CADPS2: variants seen among roughly 807,000 people sequenced by gnomAD.
CADPS2 encodes calcium-dependent secretion activator 2.
CADPS2 carries 93 observed loss-of-function variants against 172.5 expected under a neutral mutation model. That is an observed-to-expected ratio of 0.54 (90% CI 0.46 to 0.64). The LOEUF (loss-of-function observed/expected upper bound fraction) is 0.64. Among genes scored for constraint, CADPS2 ranks in the 30% least tolerant of loss-of-function variants. CADPS2 has a pLI of 0.00. For synonymous variants in CADPS2, 546 were observed against 555.2 expected, an observed-to-expected ratio of 0.98 and a Z score of 0.23; for missense variants, 1,420 against 1,565.9, an observed-to-expected ratio of 0.91 and a Z score of 1.57.
intron 17 of CADPS2, chr7:122,427,121 CGTGTGTGT>C (rs35202510): frequency 1.4e-5 from 2 of 146,566 alleles, no homozygotes; most frequent in Non-Finnish European, 3.0e-5. Flanking sequence ...ACATAAATGC[CGTGTGTGT>C]GTGTGTGTGT....
intron 28 of CADPS2, among the ~76,000 whole-genome samples, chr7:122,336,839 C>T (rs2035934273): frequency 6.6e-6 from 1 of 152,108 alleles, no homozygotes; most frequent in Non-Finnish European, 1.5e-5. Flanking sequence ...AAGCAAAATC[C>T]TCTGGTCAGT....
chr7:122,404,997 C>A (rs746351631), intron 20 of CADPS2, among the ~76,000 whole-genome samples: 2 of 151,732 alleles, frequency 1.3e-5, no homozygotes, highest in African/African-American at 2.4e-5. Context: ...TGTGTGGTGG[C>A]GGGCGCCTGT....
At chr7:122,555,166 T>G (rs529687088) in intron 7 of CADPS2, among the ~76,000 whole-genome samples, 1 of 152,218 alleles carries the variant, frequency 6.6e-6, no homozygotes, top group East Asian at 1.9e-4. Flanking sequence ...TCAACTCAAT[T>G]AGAGATGGAA....
chr7:122,734,240 A>G (rs997730854), intron 2 of CADPS2, among the ~76,000 whole-genome samples: 2 of 148,690 alleles, frequency 1.3e-5, no homozygotes, highest in African/African-American at 4.9e-5. Context: ...ATATTTAAAT[A>G]TATTTTAATT....
At chr7:122,542,749 C>T (rs2063231480) in intron 8 of CADPS2, among the ~76,000 whole-genome samples, 1 of 151,956 alleles carries the variant, frequency 6.6e-6, no homozygotes, top group Non-Finnish European at 1.5e-5. Context: ...TCATAGTCTA[C>T]ATCAGTCTAG....
chr7:122,708,779 T>C (rs559461966), intron 2 of CADPS2, among the ~76,000 whole-genome samples: 47 of 151,914 alleles, frequency 3.1e-4, no homozygotes, highest in African/African-American at 5.3e-4. Context: ...TTATTCAGTC[T>C]ACCGATTTAG....
chr7:122,617,847 T>A (rs947629176), intron 5 of CADPS2, among the ~76,000 whole-genome samples: 2 of 152,040 alleles, frequency 1.3e-5, no homozygotes, highest in African/African-American at 4.8e-5. Context: ...ATCGAGACCA[T>A]CCTGGCTAAC....
intron 9 of CADPS2, among the ~76,000 whole-genome samples, chr7:122,506,014 T>C (rs183899852): frequency 1.2e-4 from 18 of 152,194 alleles, no homozygotes; most frequent in Middle Eastern, 3.4e-3. Flanking sequence ...TCTGGAGAAA[T>C]TGTACTCAGA....
chr7:122,879,236 CAAA>C (rs34464177), intron 1 of CADPS2, among the ~76,000 whole-genome samples: 19 of 80,930 alleles, frequency 2.3e-4, no homozygotes, highest in Admixed American at 2.7e-4. Flanking sequence ...TACTCTGCCT[CAAA>C]AAAAAAAAAA....
chr7:122,558,171 A>T (rs911904125), intron 7 of CADPS2, among the ~76,000 whole-genome samples: 6 of 152,188 alleles, frequency 3.9e-5, no homozygotes, highest in South Asian at 2.1e-4. Context: ...TTTTGTTTCA[A>T]AATCTTTCAA....
At chr7:122,563,231 T>C (rs946914575) in intron 7 of CADPS2, among the ~76,000 whole-genome samples, 16 of 152,214 alleles carry the variant, frequency 1.1e-4, no homozygotes, top group African/African-American at 3.9e-4. Flanking sequence ...CTATTCTTGA[T>C]CTATTGCCCT....
chr7:122,691,270 G>A (rs546293051), intron 2 of CADPS2, among the ~76,000 whole-genome samples: 1 of 152,148 alleles, frequency 6.6e-6, no homozygotes, highest in African/African-American at 2.4e-5. Flanking sequence ...CCCAGTCCAG[G>A]GGGTCACTAC....
At chr7:122,521,609 G>A (rs2060803077) in intron 8 of CADPS2, among the ~76,000 whole-genome samples, 1 of 151,836 alleles carries the variant, frequency 6.6e-6, no homozygotes, top group Non-Finnish European at 1.5e-5. Context: ...GAATTATTAT[G>A]GGAAACAGTA....
intron 8 of CADPS2, among the ~76,000 whole-genome samples, chr7:122,541,805 ATTTATATAT>A (rs1563648183): frequency 1.8e-4 from 20 of 113,352 alleles, no homozygotes; most frequent in African/African-American, 5.8e-4. Context: ...ATTCATATAT[ATTTATATAT>A]TCATATGTTT....
chr7:122,531,557 T>A (rs2131332428), intron 8 of CADPS2, among the ~76,000 whole-genome samples: 1 of 152,318 alleles, frequency 6.6e-6, no homozygotes, highest in Non-Finnish European at 1.5e-5. Context: ...TACTTACAGA[T>A]AAGAATTCTA....
intron 3 of CADPS2, among the ~76,000 whole-genome samples, chr7:122,647,169 A>G (rs1439233922): frequency 2.0e-5 from 3 of 152,196 alleles, no homozygotes; most frequent in African/African-American, 7.2e-5. Context: ...AGCAGGGGGC[A>G]GTGGTATTCA....
intron 17 of CADPS2, among the ~76,000 whole-genome samples, chr7:122,437,077 A>G (rs2151936733): frequency 6.6e-6 from 1 of 152,162 alleles, no homozygotes; most frequent in South Asian, 2.1e-4. Context: ...ATTTCTTCCA[A>G]TCTGTGTCAG....
chr7:122,692,262 A>G (rs2084471942), intron 2 of CADPS2, among the ~76,000 whole-genome samples: 1 of 152,054 alleles, frequency 6.6e-6, no homozygotes, highest in Non-Finnish European at 1.5e-5. Flanking sequence ...AATGTGTTCC[A>G]CCACGGTGGT....
At chr7:122,321,369 T>C (rs1477561396) in intron 29 of CADPS2, among the ~76,000 whole-genome samples, 4 of 152,252 alleles carry the variant, frequency 2.6e-5, no homozygotes, top group East Asian at 3.8e-4. Context: ...GGTCTTGCCA[T>C]GTAGCATAGG....
Sources: allele counts gnomAD v4.1 joint callset (sites outside exome capture counted in the v4.1 genomes callset), GRCh38; gene constraint gnomAD v4.1.1; transcripts MANE v1.5; gene names NCBI Gene and HGNC (gene_info 2026-07-23, HGNC 2026-07-21).